The following TTC1 variants were observed in gnomAD, a reference collection of about 807,000 sequenced individuals.
TTC1 encodes the protein tetratricopeptide repeat protein 1.
Under a neutral mutation model 37.6 loss-of-function variants are expected in TTC1, and 31 were observed. The observed-to-expected ratio is 0.82, with a 90% CI of 0.62 to 1.11. The LOEUF is 1.11. Ranked by LOEUF, TTC1 falls within the 50% of genes most tolerant of loss-of-function variation. TTC1 has a pLI of 0.00. For synonymous variants in TTC1, 127 were observed against 122.4 expected (o/e 1.04, Z -0.25); for missense variants, 351 against 339.0 (o/e 1.04, Z -0.28).
chr5:160,039,855 A>C (rs1757056870), intron 4 of TTC1, among the ~76,000 whole-genome samples: 1 of 152,220 alleles, frequency 6.6e-6, no homozygotes, highest in Non-Finnish European at 1.5e-5. Flanking sequence ...ATTGAAAGAG[A>C]AATAAAAAAA....
intron 5 of TTC1, among the ~76,000 whole-genome samples, chr5:160,046,408 T>TAGGAGA (rs1423023256): frequency 6.6e-6 from 1 of 152,182 alleles, no homozygotes; most frequent in Non-Finnish European, 1.5e-5. Context: ...TATTCCTTCT[T>TAGGAGA]ATTCTCCTCT....
At chr5:160,046,899 C>CTA (rs542659460) in intron 5 of TTC1, among the ~76,000 whole-genome samples, 47 of 152,180 alleles carry the variant, frequency 3.1e-4, no homozygotes, top group African/African-American at 9.2e-4. Flanking sequence ...GTAATCCCAG[C>CTA]TACTCAGGAG....
chr5:160,026,955 C>A (rs538651769), intron 2 of TTC1, among the ~76,000 whole-genome samples: 3 of 148,772 alleles, frequency 2.0e-5, no homozygotes, highest in Admixed American at 2.0e-4. Context: ...TAGCTATTTT[C>A]TTAGTGGTTG....
intron 2 of TTC1, among the ~76,000 whole-genome samples, chr5:160,026,153 A>G (rs1205864106): frequency 6.6e-6 from 1 of 152,228 alleles, no homozygotes; most frequent in Non-Finnish European, 1.5e-5. Context: ...TTATAGAAGT[A>G]TGACAACCTC....
intron 2 of TTC1, among the ~76,000 whole-genome samples, chr5:160,033,703 G>A (rs189257903): frequency 3.9e-4 from 59 of 152,318 alleles, no homozygotes; most frequent in Admixed American, 3.7e-3. Flanking sequence ...TCTCATGAAA[G>A]TGAACTCACT....
At position 160,018,239 on chromosome 5, in the gene TTC1, C is replaced by A. The variant is rs138959518; in HGVS notation, c.330+7381C>A. ...TTACCAGACGCGAAATCTGCTGGTG[C>A]CTTGATCTTGGAATTTCCAGCCCCT... On this transcript the variant is annotated intron_variant, in intron 2 of 7. Transcript: ENST00000231238. Among the ~76,000 whole-genome samples the A allele has an allele frequency of 1.8e-3, 276 of 152,236 alleles. 2 individuals carry two copies. Among genetic ancestry groups the A allele is most frequent in the African/African-American group, 6.3e-3 (260 of 41,546 alleles).
chr5:160,053,532 C>T (rs989517568), intron 7 of TTC1, among the ~76,000 whole-genome samples: 2 of 152,084 alleles, frequency 1.3e-5, no homozygotes, highest in Non-Finnish European at 2.9e-5. Context: ...CCACTGCACT[C>T]AAGCCTGGGT....
rs1450879732 is a variant in TTC1, at chr5:160,050,792, A to G, written c.691-337A>G. On this transcript the variant is annotated intron_variant, in intron 6 of 7. Coordinates refer to ENST00000231238, the MANE Select transcript of TTC1 (RefSeq NM_003314.3). ...AGACACATGCCAACACACCCAGCTAATTTTTGTATTTCTTGTAGAGACAGC... is the reference window on the plus strand; with the variant it reads ...AGACACATGCCAACACACCCAGCTAGTTTTTGTATTTCTTGTAGAGACAGC... 2.6e-5 allele frequency among the ~76,000 whole-genome samples: 4 copies of G among 151,824 alleles called. No homozygotes were observed. The East Asian group carries it at 7.8e-4, about 29-fold the overall frequency.
At chr5:160,048,794 T>C (rs1290488847) in intron 5 of TTC1, among the ~76,000 whole-genome samples, 1 of 152,054 alleles carries the variant, frequency 6.6e-6, no homozygotes, top group Non-Finnish European at 1.5e-5. Context: ...CTACTAAAAA[T>C]ACAAAAATTA....
rs140239164 is a variant in TTC1, at chr5:160,057,771, C to CGTGT, written c.745+6602_745+6605dup. On this transcript the variant is annotated intron_variant, in intron 7 of 7. Coordinates refer to ENST00000231238, the MANE Select transcript of TTC1 (RefSeq NM_003314.3). The surrounding 1 kb of genome is among the most constrained non-coding windows in gnomAD (Gnocchi z 4.4). ...GTTATGTAATATTTGGGGGTTTGTG[C>CGTGT]GTGTGTGTGTGTGTGTGACACAGAG... Among the ~76,000 whole-genome samples the CGTGT allele has an allele frequency of 6.6e-6, 1 of 150,576 alleles. No homozygotes were observed. The highest frequency in any genetic ancestry group is 2.4e-5 in the African/African-American group (1 of 41,104).
chr5:160,026,554 A>G (rs2113357544), intron 2 of TTC1, among the ~76,000 whole-genome samples: 1 of 152,322 alleles, frequency 6.6e-6, no homozygotes, highest in Non-Finnish European at 1.5e-5. Context: ...GTTATGAAAT[A>G]TCCCCTTTTT....
chr5:160,035,952 G>GT (rs11438489), intron 3 of TTC1, among the ~76,000 whole-genome samples: 12,435 of 141,166 alleles, frequency 0.088, 1,653 homozygotes, highest in African/African-American at 0.29. Flanking sequence ...AGATTTTAGG[G>GT]TTTTTTTTTT....
At position 160,010,755 on chromosome 5, in the gene TTC1, C is replaced by T. The variant is rs41275307; in HGVS notation, c.227C>T (p.Ala76Val). 3.2e-4 allele frequency: 523 copies of T among 1,614,000 alleles called. 2 individuals carry two copies. Among genetic ancestry groups the T allele is most frequent in the Admixed American group, 1.4e-3 (86 of 59,990 alleles). The change falls in exon 2 of 8, where the codon GCG becomes GTG. Residue 76 changes from alanine (A) to valine (V), a missense_variant. Physicochemically the swap from Ala to Val is moderately conservative, Grantham distance 64. Coordinates refer to ENST00000231238, the MANE Select transcript of TTC1 (RefSeq NM_003314.3). ...GCCTCATTTGAGGAGGAGCCAGGAGCGGACAAGGTTGAGAACAAATCTAAT... is the reference window on the plus strand; with the variant it reads ...GCCTCATTTGAGGAGGAGCCAGGAGTGGACAAGGTTGAGAACAAATCTAAT... ...CSASFEEEPG[A>V]DKVENKSNED...
chr5:160,056,607 C>T (rs1268584781), intron 7 of TTC1, among the ~76,000 whole-genome samples: 1 of 152,172 alleles, frequency 6.6e-6, no homozygotes, highest in Non-Finnish European at 1.5e-5. Context: ...CCTGTAGTCT[C>T]AGCCACTTGG....
At position 160,010,697 on chromosome 5, in the gene TTC1, C is replaced by T. The variant is rs1354278069; in HGVS notation, c.169C>T (p.Gln57Ter). Residue 57 changes from glutamine (Q) to a stop codon, truncating the protein, a stop_gained, in exon 2 of 8, where the codon CAG becomes TAG. Transcript: ENST00000231238. LOFTEE classifies it high-confidence loss of function. Reference sequence around the variant, plus strand: ...TGATGAGGCCCATCTCCAGGAGGACCAGGGAGAAGAGGAGTGTTTTCATGA... The same window carrying T: ...TGATGAGGCCCATCTCCAGGAGGACTAGGGAGAAGAGGAGTGTTTTCATGA... ...RDDEAHLQED[Q>*]GEEECFHDCS... 1.2e-6 allele frequency: 2 copies of T among 1,613,710 alleles called. No individual in the cohort carries two copies. Among genetic ancestry groups the T allele is most frequent in the Non-Finnish European group, 1.7e-6 (2 of 1,179,834 alleles).
At chr5:160,028,777 C>T (rs1756855416) in intron 2 of TTC1, among the ~76,000 whole-genome samples, 1 of 151,990 alleles carries the variant, frequency 6.6e-6, no homozygotes, top group Non-Finnish European at 1.5e-5. Context: ...CCTGGCCTGC[C>T]CAGTTTTGTG....
intron 2 of TTC1, among the ~76,000 whole-genome samples, chr5:160,030,847 A>T (rs1210601711): frequency 1.3e-5 from 2 of 152,174 alleles, no homozygotes; most frequent in African/African-American, 4.8e-5. Flanking sequence ...TTGTGGAGGT[A>T]TGTAAGGGTT....
intron 6 of TTC1, among the ~76,000 whole-genome samples, chr5:160,050,867 C>T (rs1757383752): frequency 6.6e-6 from 1 of 152,058 alleles, no homozygotes; most frequent in African/African-American, 2.4e-5. Flanking sequence ...CTCAAGCGAT[C>T]CTCCCAACTC....
rs140449648 is a variant in TTC1 at position 160,045,903 on chromosome 5, C to T, written c.541+2734C>T. ...GACTACGGGCGCATGCCACCATGCC[C>T]GGCTAATTTTTGTATTTTTGGTAGA... On this transcript the variant is annotated intron_variant, in intron 5 of 7. Transcript: ENST00000231238. Among the ~76,000 whole-genome samples, 1,305 of 152,004 alleles carry T rather than the reference C, an allele frequency of 8.6e-3. 13 individuals are homozygous for T. Among genetic ancestry groups the T allele is most frequent in the Middle Eastern group, 0.02 (6 of 294 alleles).
Sources: gnomAD v4.1 joint callset for allele counts (sites outside exome capture counted in the v4.1 genomes callset) on GRCh38, gnomAD v4.1.1 for gene constraint, Gnocchi (gnomAD v3.1) non-coding constraint, MANE v1.5 for transcripts, NCBI Gene and HGNC (gene_info 2026-07-23, HGNC 2026-07-21) for gene names.